Variants in DPP6 observed in about 807,000 individuals in gnomAD.
DPP6 encodes A-type potassium channel modulatory protein DPP6.
In DPP6, 69 loss-of-function variants were observed where a neutral mutation model predicts 122.6. That is an observed-to-expected ratio of 0.56 (90% CI 0.46 to 0.69). The LOEUF is 0.69. Ranked by LOEUF, DPP6 falls within the 30% of genes least tolerant of loss-of-function variation. DPP6 has a pLI of 0.00. For missense variants in DPP6, 928 were observed against 1,116.9 expected (o/e 0.83, Z 2.41); for synonymous variants, 418 against 433.1 (o/e 0.97, Z 0.43).
chr7:154,749,111 G>A (rs1444084754), intron 8 of DPP6, among the ~76,000 whole-genome samples: 2 of 150,176 alleles, frequency 1.3e-5, no homozygotes, highest in African/African-American at 4.9e-5. Flanking sequence ...GAGGGTGAGA[G>A]AGCATAGGAC....
chr7:154,053,337 G>A (rs1324312566), intron 1 of DPP6, among the ~76,000 whole-genome samples: 1 of 152,120 alleles, frequency 6.6e-6, no homozygotes, highest in Non-Finnish European at 1.5e-5. Flanking sequence ...TCTGGAATTC[G>A]CCTTACGTTC....
intron 1 of DPP6, among the ~76,000 whole-genome samples, chr7:154,130,475 A>C (rs956231732): frequency 1.2e-4 from 18 of 152,340 alleles, no homozygotes; most frequent in Non-Finnish European, 2.6e-4. Flanking sequence ...CTCTCACTTA[A>C]CTTGGAAGAA....
intron 5 of DPP6, among the ~76,000 whole-genome samples, chr7:154,568,712 A>C (rs1830924962): frequency 6.6e-6 from 1 of 152,108 alleles, no homozygotes; most frequent in Non-Finnish European, 1.5e-5. Flanking sequence ...GTAAACAGGA[A>C]CCTTGAAATA....
chr7:154,436,943 T>C (rs1818921124), intron 1 of DPP6, among the ~76,000 whole-genome samples: 1 of 152,224 alleles, frequency 6.6e-6, no homozygotes, highest in Admixed American at 6.5e-5. Context: ...CTATGTCACT[T>C]AAAATTATAT....
intron 1 of DPP6, among the ~76,000 whole-genome samples, chr7:154,258,922 G>A (rs957094778): frequency 5.3e-5 from 8 of 152,192 alleles, no homozygotes; most frequent in Non-Finnish European, 1.2e-4. Context: ...GAAACTACAA[G>A]ATATATGGCA....
intron 17 of DPP6, among the ~76,000 whole-genome samples, chr7:154,861,504 C>G (rs1015441893): frequency 6.6e-6 from 1 of 152,090 alleles, no homozygotes; most frequent in African/African-American, 2.4e-5. Flanking sequence ...TCCATTTGTC[C>G]GCCCGTCACC....
At chr7:154,487,249 T>G (rs1823877578) in intron 3 of DPP6, among the ~76,000 whole-genome samples, 2 of 152,202 alleles carry the variant, frequency 1.3e-5, no homozygotes, top group African/African-American at 4.8e-5. Context: ...GAGATGTTCA[T>G]GTTTTTTTCC....
chr7:154,754,331 A>G lies in DPP6; in HGVS notation c.884-15086A>G, dbSNP rs767950048. Among the ~76,000 whole-genome samples, 52 of 152,232 alleles carry G rather than the reference A, an allele frequency of 3.4e-4. 1 individual carries two copies. The highest frequency in any genetic ancestry group is 5.2e-4 in the Admixed American group (8 of 15,290). ...CTTTGTTTTGTGGCGAAAAAATTCT[A>G]ACTTTCAGATGAGGACAAAATAAGG... On this transcript the variant is annotated intron_variant, in intron 8 of 25. Coordinates refer to ENST00000377770, the MANE Select transcript of DPP6 (RefSeq NM_130797.4).
intron 1 of DPP6, among the ~76,000 whole-genome samples, chr7:154,259,809 C>G (rs748925345): frequency 2.6e-5 from 4 of 152,162 alleles, no homozygotes; most frequent in African/African-American, 4.8e-5. Context: ...GTATGCCAAA[C>G]GCGTTCACAA....
intron 9 of DPP6, 127 bp downstream of exon 9, chr7:154,769,698 T>C: frequency 8.0e-7 from 1 of 1,255,090 alleles, no homozygotes; most frequent in Non-Finnish European, 1.0e-6. Context: ...CAAGAAAGAC[T>C]AATCATGTCT....
intron 1 of DPP6, among the ~76,000 whole-genome samples, chr7:153,904,544 T>A (rs1012337406): frequency 1.3e-5 from 2 of 152,196 alleles, no homozygotes; most frequent in African/African-American, 2.4e-5. Flanking sequence ...GTGAGCACTT[T>A]GAATCTCACT....
the DPP6 span, among the ~76,000 whole-genome samples, chr7:153,773,307 G>T: frequency 8.1e-6 from 1 of 123,194 alleles, no homozygotes; most frequent in East Asian, 2.3e-4. Context: ...GTGTGTATGT[G>T]TATTTTATAT....
At chr7:154,371,556 C>T (rs555905994) in intron 1 of DPP6, among the ~76,000 whole-genome samples, 4 of 152,180 alleles carry the variant, frequency 2.6e-5, no homozygotes, top group East Asian at 1.9e-4. Flanking sequence ...GTTGATATTT[C>T]GTGACTCTCA....
rs187168225 is a variant in DPP6 at position 154,680,871 on chromosome 7, C to T, written c.762+11430C>T. Reference sequence around the variant, plus strand: ...GGGATCACAGTGCCGTTAATTCCACCGGTTTGAAAGCTCTGTTGCAAACCC... The same window carrying T: ...GGGATCACAGTGCCGTTAATTCCACTGGTTTGAAAGCTCTGTTGCAAACCC... On this transcript the variant is annotated intron_variant, in intron 7 of 25. Coordinates refer to ENST00000377770, the MANE Select transcript of DPP6 (RefSeq NM_130797.4). Among the ~76,000 whole-genome samples the T allele has an allele frequency of 6.1e-4, 93 of 152,232 alleles. 2 individuals are homozygous for T. In the East Asian group the frequency reaches 0.014, roughly 24 times the overall value.
the DPP6 span, among the ~76,000 whole-genome samples, chr7:153,754,180 C>T: frequency 2.6e-5 from 4 of 152,006 alleles, no homozygotes; most frequent in Non-Finnish European, 5.9e-5. Flanking sequence ...CCTTTTAGGA[C>T]ATTAAAAAAA....
chr7:154,418,309 T>C (rs894313406), intron 1 of DPP6, among the ~76,000 whole-genome samples: 4 of 152,240 alleles, frequency 2.6e-5, no homozygotes, highest in Non-Finnish European at 5.9e-5. Flanking sequence ...GTTGTTCACT[T>C]AAGTTCTTCT....
intron 10 of DPP6, among the ~76,000 whole-genome samples, chr7:154,780,627 A>G (rs1483579539): frequency 1.3e-5 from 2 of 152,250 alleles, no homozygotes; most frequent in Non-Finnish European, 2.9e-5. Context: ...CTGGTGAGCC[A>G]GTGCTGGTAA....
At chr7:154,856,874 C>T (rs757228231) in intron 17 of DPP6, among the ~76,000 whole-genome samples, 1 of 152,202 alleles carries the variant, frequency 6.6e-6, no homozygotes, top group South Asian at 2.1e-4. Flanking sequence ...ATGGGGCTGG[C>T]GTTACATGCC....
At chr7:153,822,158 G>T in the DPP6 span, among the ~76,000 whole-genome samples, 1 of 138,100 alleles carries the variant, frequency 7.2e-6, no homozygotes, top group Non-Finnish European at 1.6e-5. Flanking sequence ...TGCTCGCAGT[G>T]AAAAATAGGA....
Sources: allele counts gnomAD v4.1 joint callset (sites outside exome capture counted in the v4.1 genomes callset), GRCh38; gene constraint gnomAD v4.1.1; transcripts MANE v1.5; gene names NCBI Gene and HGNC (gene_info 2026-07-23, HGNC 2026-07-21).